The following EIF4G3 variants were observed in gnomAD, a reference collection of about 807,000 sequenced individuals.
EIF4G3 encodes the protein eIF-4-gamma 3.
Under a neutral mutation model 186.4 loss-of-function variants are expected in EIF4G3, and 34 were observed. That is an observed-to-expected ratio of 0.18 (90% CI 0.14 to 0.24). EIF4G3 has a LOEUF of 0.24. Ranked by LOEUF, EIF4G3 falls within the 10% of genes least tolerant of loss-of-function variation. The pLI is 1.00. For missense variants in EIF4G3, 1,536 were observed against 1,948.5 expected, an observed-to-expected ratio of 0.79 and a Z score of 3.99; for synonymous variants, 673 against 679.5, an observed-to-expected ratio of 0.99 and a Z score of 0.15.
chr1:20,886,053 A>G (rs942219283), intron 19 of EIF4G3, 148 bp downstream of exon 19: 9 of 1,004,362 alleles, frequency 9.0e-6, no homozygotes, highest in Non-Finnish European at 1.0e-5. Flanking sequence ...CCTGGCATCC[A>G]TAATGGCTTT....
At chr1:21,051,179 C>T (rs1312201088) in intron 3 of EIF4G3, among the ~76,000 whole-genome samples, 185 bp from the exon 4 acceptor site, 1 of 151,956 alleles carries the variant, frequency 6.6e-6, no homozygotes, top group African/African-American at 2.4e-5. Context: ...AAAATATATA[C>T]ATGAATATTC....
chr1:21,043,123 G>C (rs1249196298), intron 4 of EIF4G3, among the ~76,000 whole-genome samples: 1 of 152,102 alleles, frequency 6.6e-6, no homozygotes, highest in African/African-American at 2.4e-5. Flanking sequence ...GAGGTAGCCA[G>C]AGAAATAAAC....
intron 20 of EIF4G3, among the ~76,000 whole-genome samples, chr1:20,866,050 T>C (rs1304673758): frequency 2.0e-5 from 3 of 152,338 alleles, no homozygotes; most frequent in East Asian, 3.9e-4. Flanking sequence ...ATGACATCCC[T>C]CTGAGCACCA....
At chr1:20,907,770 C>A (rs2092497076) in intron 14 of EIF4G3, among the ~76,000 whole-genome samples, 1 of 152,038 alleles carries the variant, frequency 6.6e-6, no homozygotes, top group African/African-American at 2.4e-5. Context: ...ATATGTGCCA[C>A]ATTTTCTTAA....
intron 2 of EIF4G3, among the ~76,000 whole-genome samples, chr1:21,148,430 C>T (rs549836995): frequency 2.6e-5 from 4 of 151,750 alleles, no homozygotes; most frequent in East Asian, 2.0e-4. Flanking sequence ...CAGCCGGGCG[C>T]GGTGGCTCAC....
chr1:20,838,498 A>C (rs1369741849), intron 30 of EIF4G3, among the ~76,000 whole-genome samples: 1 of 152,152 alleles, frequency 6.6e-6, no homozygotes, highest in East Asian at 1.9e-4. Flanking sequence ...GAGGGTGTAC[A>C]TACCTTTATT....
intron 14 of EIF4G3, chr1:20,929,357 G>C (rs1471689295): frequency 1.3e-5 from 2 of 152,172 alleles, no homozygotes; most frequent in Non-Finnish European, 2.9e-5. Flanking sequence ...CTACTGTGAA[G>C]ATAAATGACA....
At chr1:20,921,047 T>C (rs2094458054) in intron 14 of EIF4G3, among the ~76,000 whole-genome samples, 1 of 152,180 alleles carries the variant, frequency 6.6e-6, no homozygotes, top group Non-Finnish European at 1.5e-5. Context: ...GTATAAATTA[T>C]ATTTGGGTGT....
At chr1:20,973,231 C>A in intron 10 of EIF4G3, 132 bp from the exon 11 acceptor site, 1 of 628,924 alleles carries the variant, frequency 1.6e-6, no homozygotes, top group South Asian at 2.0e-5. Context: ...TCTTCATCAT[C>A]TTTTTCCACT....
At chr1:21,164,162 G>C (rs1431554984) in intron 2 of EIF4G3, among the ~76,000 whole-genome samples, 1 of 152,014 alleles carries the variant, frequency 6.6e-6, no homozygotes, top group Non-Finnish European at 1.5e-5. Flanking sequence ...TAACCTGACA[G>C]AACTAACACT....
Position 20,986,744 on chromosome 1 carries a change from CAAAAAAAAAAAAAAAAA to C in EIF4G3, c.178-4353_178-4337del, listed in dbSNP as rs61255473. On this transcript the variant is annotated intron_variant, in intron 7 of 36. Transcript: ENST00000602326. ...AGCCTGGGCGACAGAGCTCTGTCTC[CAAAAAAAAAAAAAAAAA>C]AAAAAAAAAAGAAAACTTGACATAA... 9.0e-5 allele frequency among the ~76,000 whole-genome samples: 6 copies of C among 66,306 alleles called. No homozygotes were observed. The Admixed American group carries it at 1.2e-3, about 14-fold the overall frequency. 43.5% of individuals were successfully genotyped at this position (66,306 alleles called of 152,430 possible).
intron 30 of EIF4G3, among the ~76,000 whole-genome samples, chr1:20,830,177 G>A (rs980371141): frequency 1.3e-5 from 2 of 152,156 alleles, no homozygotes; most frequent in Non-Finnish European, 2.9e-5. Flanking sequence ...CTCTACAATT[G>A]TAAAACGTGT....
At chr1:20,966,208 A>C (rs2074615244) in intron 12 of EIF4G3, among the ~76,000 whole-genome samples, 1 of 152,222 alleles carries the variant, frequency 6.6e-6, no homozygotes, top group Non-Finnish European at 1.5e-5. Flanking sequence ...AGGTACTTTA[A>C]GGCCAATACT....
Position 20,981,042 on chromosome 1 carries a change from C to A in EIF4G3, c.378+6G>T. 6.5e-7 allele frequency: 1 copy of A among 1,538,958 alleles called. No homozygotes were observed. ...CTGGACCACCTAGGCCTCAAAGATACTTTACCTGTGGTATACAGTACTGAG... is the reference window on the plus strand; with the variant it reads ...CTGGACCACCTAGGCCTCAAAGATAATTTACCTGTGGTATACAGTACTGAG... On this transcript the variant is annotated splice_donor_region_variant and intron_variant, in intron 9 of 36. Coordinates refer to ENST00000602326, the MANE Select transcript of EIF4G3 (RefSeq NM_001391906.1).
In EIF4G3 at chr1:20,810,194, C is replaced by T. The variant is rs527871443; in HGVS notation, c.4744+544G>A. Among the ~76,000 whole-genome samples the T allele has an allele frequency of 4.0e-5, 6 of 149,822 alleles. No individual in the cohort carries two copies. The highest frequency in any genetic ancestry group is 2.1e-4 in the South Asian group (1 of 4,742). On this transcript the variant is annotated intron_variant, in intron 36 of 36. Transcript: ENST00000602326. The surrounding 1 kb of genome is among the most constrained non-coding windows in gnomAD (Gnocchi z 4.1). ...TTTTTGAGATAGAGTCTCGCTCTGT[C>T]GCCAGGCTGGAGTGCAGTGGCATGC... is the stretch of plus-strand genomic sequence containing the variant.
intron 2 of EIF4G3, among the ~76,000 whole-genome samples, chr1:21,098,105 A>G (rs2096419982): frequency 6.6e-6 from 1 of 152,180 alleles, no homozygotes. Flanking sequence ...AAAAGAAGAA[A>G]ATTGATAAAC....
At chr1:20,948,189 A>T (rs139740478) in intron 13 of EIF4G3, among the ~76,000 whole-genome samples, 1 of 152,356 alleles carries the variant, frequency 6.6e-6, no homozygotes, top group African/African-American at 2.4e-5. Flanking sequence ...TTTGAAGGGA[A>T]ATACTCTGAG....
intron 24 of EIF4G3, among the ~76,000 whole-genome samples, chr1:20,859,536 G>A (rs1351732665): frequency 1.6e-4 from 24 of 152,180 alleles, no homozygotes; most frequent in Admixed American, 1.6e-3. Context: ...TTAGTAAATG[G>A]ACTATCGTCT....
intron 4 of EIF4G3, among the ~76,000 whole-genome samples, chr1:21,048,068 A>G (rs1224840333): frequency 6.6e-6 from 1 of 152,204 alleles, no homozygotes; most frequent in Non-Finnish European, 1.5e-5. Context: ...CCTGGTATTC[A>G]TGTACTCTGG....
Sources: allele counts gnomAD v4.1 joint callset (sites outside exome capture counted in the v4.1 genomes callset), GRCh38; gene constraint gnomAD v4.1.1; non-coding constraint Gnocchi (gnomAD v3.1); transcripts MANE v1.5; gene names NCBI Gene and HGNC (gene_info 2026-07-23, HGNC 2026-07-21).